SHTN1: variants seen among roughly 807,000 people sequenced by gnomAD.
SHTN1 encodes shootin 1, also known as shootin-1.
In SHTN1, 42 loss-of-function variants were observed where a neutral mutation model predicts 83.1. The ratio of observed to expected loss-of-function variants is 0.51; its 90% CI spans 0.39 to 0.65. The LOEUF is 0.65. SHTN1 is among the 30% of genes least tolerant of loss of function. The probability of loss-of-function intolerance (pLI) is 0.00; values close to 1 mark genes in which losing one functional copy is unlikely to be tolerated. For synonymous variants in SHTN1, 224 were observed against 247.7 expected (o/e 0.90, Z 0.90); for missense variants, 622 against 737.8 (o/e 0.84, Z 1.82).
At chr10:116,990,174 C>A (rs544628039) in intron 1 of SHTN1, among the ~76,000 whole-genome samples, 9 of 151,828 alleles carry the variant, frequency 5.9e-5, no homozygotes, top group Non-Finnish European at 1.2e-4. Flanking sequence ...AAAATTAGTT[C>A]TTTGAATTTG....
chr10:117,065,851 A>G (rs1404554053), intron 1 of SHTN1, among the ~76,000 whole-genome samples: 1 of 67,330 alleles, frequency 1.5e-5, no homozygotes, highest in Non-Finnish European at 2.8e-5. Flanking sequence ...GAAGGAAGGA[A>G]GGAAAGGAGG....
chr10:116,998,481 T>C (rs991772155), intron 1 of SHTN1, among the ~76,000 whole-genome samples: 1 of 152,234 alleles, frequency 6.6e-6, no homozygotes, highest in Non-Finnish European at 1.5e-5. Flanking sequence ...GTTATAATTG[T>C]TCTATTTTAT....
At chr10:116,900,612 A>G in intron 16 of SHTN1, 1 of 1,527,600 alleles carries the variant, frequency 6.5e-7, no homozygotes, top group Non-Finnish European at 8.8e-7. Flanking sequence ...AACTTGTCTC[A>G]GCCAAATTGC....
intron 1 of SHTN1, among the ~76,000 whole-genome samples, chr10:117,120,788 G>C (rs1853911793): frequency 6.7e-6 from 1 of 149,396 alleles, no homozygotes; most frequent in Admixed American, 6.9e-5. Context: ...TCAGGTGATA[G>C]ATATCCCAAG....
At chr10:117,033,249 GT>G (rs899424085) in intron 2 of SHTN1, among the ~76,000 whole-genome samples, 21 of 151,378 alleles carry the variant, frequency 1.4e-4, no homozygotes, top group Middle Eastern at 3.4e-3. Context: ...GAAACAAAAA[GT>G]TTTTTTTTAA....
chr10:117,013,828 C>T (rs1262186649), intron 2 of SHTN1, among the ~76,000 whole-genome samples: 1 of 152,154 alleles, frequency 6.6e-6, no homozygotes, highest in African/African-American at 2.4e-5. Context: ...TTTATAACAG[C>T]TTTATTAATA....
At chr10:116,979,204 G>A (rs1850924034) in intron 2 of SHTN1, 52 bp downstream of exon 2, 19 of 1,466,230 alleles carry the variant, frequency 1.3e-5, no homozygotes, top group African/African-American at 1.4e-5. Flanking sequence ...GCACTATGCC[G>A]CCTAGGCTTT....
intron 11 of SHTN1, 54 bp downstream of exon 11, chr10:116,927,738 C>T: frequency 6.9e-7 from 1 of 1,441,912 alleles, no homozygotes. Context: ...TCTTATGGCA[C>T]AATCTGATGG....
intron 1 of SHTN1, among the ~76,000 whole-genome samples, chr10:117,094,937 G>A (rs1447339973): frequency 6.6e-6 from 1 of 152,152 alleles, no homozygotes; most frequent in Non-Finnish European, 1.5e-5. Flanking sequence ...TTTTACATGG[G>A]AAAACATTAA....
At position 116,960,144 on chromosome 10, in the gene SHTN1, C is replaced by T. The variant is rs776059035; in HGVS notation, c.259G>A (p.Ala87Thr). The change falls in exon 4 of 17, where the codon GCA (alanine) becomes ACA (threonine). Residue 87 changes from alanine (A) to threonine (T), a missense_variant. Physicochemically the swap from Ala to Thr is moderately conservative, Grantham distance 58. Coordinates refer to ENST00000355371, the MANE Select transcript of SHTN1 (RefSeq NM_001127211.3). Reference sequence around the variant, plus strand: ...TTCATTTGAAGTCTCACCTTTGTTGCCAAAGCTTCAGCACTTTCTCGACAA... The same window carrying T: ...TTCATTTGAAGTCTCACCTTTGTTGTCAAAGCTTCAGCACTTTCTCGACAA... ...KTCRESAEAL[A>T]TKLNKENKTL... The T allele has an allele frequency of 1.2e-6, 2 of 1,600,366 alleles. No individual in the cohort carries two copies.
intron 1 of SHTN1, among the ~76,000 whole-genome samples, chr10:117,090,513 A>G (rs886257058): frequency 3.3e-5 from 5 of 152,194 alleles, no homozygotes; most frequent in African/African-American, 1.2e-4. Context: ...TAACACTACT[A>G]AACTGTACAC....
chr10:117,019,128 G>C (rs1459715235), intron 2 of SHTN1, among the ~76,000 whole-genome samples: 28 of 77,880 alleles, frequency 3.6e-4, no homozygotes, highest in Non-Finnish European at 4.5e-5. Context: ...CTAATGACTA[G>C]AAACTGAAAT....
In SHTN1 at chr10:116,900,336, G is replaced by A. The variant is rs1376632372; in HGVS notation, c.1673+1429C>T. 4 of 578,942 alleles carry A rather than the reference G, an allele frequency of 6.9e-6. No homozygotes were observed. In the Admixed American group the frequency reaches 8.9e-5, roughly 13 times the overall value. 35.9% of individuals were successfully genotyped at this position (578,942 alleles called of 1,614,324 possible). On this transcript the variant is annotated intron_variant, in intron 16 of 16. Transcript: ENST00000355371. ...ACAAGCAAGATGAGAAATAAATTGA[G>A]CTTCACATCTGCCTTTATGGCATCT...
At chr10:117,062,944 G>A (rs193109210) in intron 1 of SHTN1, among the ~76,000 whole-genome samples, 6 of 152,186 alleles carry the variant, frequency 3.9e-5, no homozygotes, top group Admixed American at 6.5e-5. Flanking sequence ...GAACTCAGAC[G>A]GTACCTACAG....
intron 1 of SHTN1, among the ~76,000 whole-genome samples, chr10:117,003,953 G>A (rs528106727): frequency 3.4e-4 from 52 of 152,070 alleles, no homozygotes; most frequent in African/African-American, 1.2e-3. Context: ...GGAGTGCAAC[G>A]GCGCCATCTT....
chr10:116,994,935 G>A (rs978743929), intron 1 of SHTN1, among the ~76,000 whole-genome samples: 1 of 152,052 alleles, frequency 6.6e-6, no homozygotes, highest in Non-Finnish European at 1.5e-5. Context: ...AACATGTAAT[G>A]CTAACCTTTG....
At chr10:117,025,937 T>C (rs778160544) in intron 2 of SHTN1, among the ~76,000 whole-genome samples, 61 of 152,132 alleles carry the variant, frequency 4.0e-4, no homozygotes, top group Non-Finnish European at 8.1e-4. Context: ...GTCGAGGGCC[T>C]TGGGTGAGAC....
intron 1 of SHTN1, among the ~76,000 whole-genome samples, chr10:117,109,691 A>C (rs1476269432): frequency 6.8e-6 from 1 of 146,916 alleles, no homozygotes. Flanking sequence ...CAGCCTCCCA[A>C]GTAGCTGGGA....
intron 11 of SHTN1, among the ~76,000 whole-genome samples, chr10:116,926,639 A>G (rs1848754697): frequency 6.6e-6 from 1 of 152,194 alleles, no homozygotes; most frequent in African/African-American, 2.4e-5. Context: ...ATGGATCAGC[A>G]AAGGTGCAAA....
Sources: gnomAD v4.1 joint callset for allele counts (sites outside exome capture counted in the v4.1 genomes callset) on GRCh38, gnomAD v4.1.1 for gene constraint, MANE v1.5 for transcripts, NCBI Gene and HGNC (gene_info 2026-07-23, HGNC 2026-07-21) for gene names.